The following DPP10 variants were observed in gnomAD, a reference collection of about 807,000 sequenced individuals.
DPP10 encodes the protein inactive dipeptidyl peptidase 10.
A neutral mutation model predicts 120.9 loss-of-function variants in DPP10; 33 were observed. The ratio of observed to expected loss-of-function variants is 0.27; its 90% CI spans 0.21 to 0.37. The LOEUF (loss-of-function observed/expected upper bound fraction) is 0.37. Ranked by LOEUF, DPP10 falls within the 10% of genes least tolerant of loss-of-function variation. DPP10 has a pLI of 1.00. For synonymous variants in DPP10, 337 were observed against 326.1 expected, an observed-to-expected ratio of 1.03 and a Z score of -0.36; for missense variants, 816 against 942.8, an observed-to-expected ratio of 0.87 and a Z score of 1.76.
intron 3 of DPP10, among the ~76,000 whole-genome samples, chr2:115,496,927 G>T (rs1048382631): frequency 1.3e-5 from 2 of 151,940 alleles, no homozygotes; most frequent in African/African-American, 4.8e-5. Context: ...TGATTGGTTG[G>T]GGGGGATGCA....
At chr2:115,427,474 AGGCTTATGGT>A (rs2070589138) in intron 3 of DPP10, among the ~76,000 whole-genome samples, 1 of 152,224 alleles carries the variant, frequency 6.6e-6, no homozygotes, top group African/African-American at 2.4e-5. Context: ...GAAACCACCA[AGGCTTATGGT>A]GGCTTATGCT....
At chr2:115,829,428 C>T (rs1031586511) in intron 21 of DPP10, among the ~76,000 whole-genome samples, 1 of 152,054 alleles carries the variant, frequency 6.6e-6, no homozygotes, top group Non-Finnish European at 1.5e-5. Context: ...TTCATTATAA[C>T]TCATTTTAAT....
intron 1 of DPP10, chr2:114,835,410 A>G (rs984808917): frequency 1.3e-5 from 2 of 152,120 alleles, no homozygotes; most frequent in African/African-American, 4.8e-5. Context: ...TTACACACCT[A>G]TGTATATATA....
intron 1 of DPP10, among the ~76,000 whole-genome samples, chr2:114,916,864 A>C (rs1326074705): frequency 6.6e-6 from 1 of 152,146 alleles, no homozygotes; most frequent in Non-Finnish European, 1.5e-5. Context: ...CTAAAACCAT[A>C]CTGAGTGGGC....
At chr2:115,542,974 C>A (rs149491538) in intron 5 of DPP10, among the ~76,000 whole-genome samples, 6,383 of 151,624 alleles carry the variant, frequency 0.042, 208 homozygotes, top group Non-Finnish European at 0.058. Context: ...CTTTATATTC[C>A]ATTTACGAAA....
chr2:114,461,860 A>T, intron 1 of DPP10: 1 of 985,422 alleles, frequency 1.0e-6, no homozygotes, highest in Non-Finnish European at 1.2e-6. Flanking sequence ...CTATAAGAAG[A>T]ATGGAAAATG....
intron 1 of DPP10, among the ~76,000 whole-genome samples, chr2:115,119,248 A>T (rs768379252): frequency 1.3e-5 from 2 of 152,136 alleles, no homozygotes; most frequent in Non-Finnish European, 2.9e-5. Context: ...GAAAGGTCAT[A>T]TACCAGTTAA....
chr2:114,977,701 G>A (rs1440050800), intron 1 of DPP10, among the ~76,000 whole-genome samples: 1 of 151,946 alleles, frequency 6.6e-6, no homozygotes, highest in Non-Finnish European at 1.5e-5. Context: ...AATCTCAAGA[G>A]CTATTTTCAT....
chr2:114,504,214 A>G (rs899875127), intron 1 of DPP10, among the ~76,000 whole-genome samples: 1 of 152,102 alleles, frequency 6.6e-6, no homozygotes, highest in African/African-American at 2.4e-5. Flanking sequence ...ATAGCCTTCT[A>G]TTTAGTCTTC....
chr2:115,386,262 G>C (rs2066922638), intron 3 of DPP10, among the ~76,000 whole-genome samples: 1 of 152,138 alleles, frequency 6.6e-6, no homozygotes, highest in Non-Finnish European at 1.5e-5. Context: ...AGAGTATAGG[G>C]GAGGGAAAAT....
chr2:114,557,019 T>G (rs1358627307), intron 1 of DPP10, among the ~76,000 whole-genome samples: 1 of 109,570 alleles, frequency 9.1e-6, no homozygotes, highest in Non-Finnish European at 2.0e-5. Context: ...TTTTTTTTTT[T>G]TAAGAATTTT....
At chr2:114,816,108 C>T (rs1468130263) in intron 1 of DPP10, among the ~76,000 whole-genome samples, 1 of 152,146 alleles carries the variant, frequency 6.6e-6, no homozygotes, top group East Asian at 1.9e-4. Flanking sequence ...CAGTCTTGAC[C>T]ATGCACACCA....
intron 1 of DPP10, among the ~76,000 whole-genome samples, chr2:114,773,967 A>G (rs907847831): frequency 2.0e-5 from 3 of 152,028 alleles, no homozygotes; most frequent in African/African-American, 7.2e-5. Flanking sequence ...TTTAAACTTT[A>G]TCAAATATAA....
chr2:114,479,475 A>G (rs1407477667), intron 1 of DPP10, among the ~76,000 whole-genome samples: 1 of 152,150 alleles, frequency 6.6e-6, no homozygotes, highest in Admixed American at 6.6e-5. Context: ...AATGTAGTTC[A>G]ATGTAGAAAA....
intron 12 of DPP10, among the ~76,000 whole-genome samples, chr2:115,764,291 T>C (rs924189419): frequency 1.3e-5 from 2 of 152,144 alleles, no homozygotes; most frequent in Non-Finnish European, 2.9e-5. Context: ...TTATAAATAA[T>C]TGTTTGTCTG....
intron 3 of DPP10, among the ~76,000 whole-genome samples, chr2:115,387,965 T>C (rs914680515): frequency 5.3e-5 from 8 of 152,216 alleles, no homozygotes; most frequent in African/African-American, 1.9e-4. Flanking sequence ...GGACAACTTC[T>C]CTGGTGACCA....
intron 5 of DPP10, among the ~76,000 whole-genome samples, chr2:115,660,781 A>C (rs1203420478): frequency 4.0e-5 from 6 of 151,340 alleles, no homozygotes; most frequent in Non-Finnish European, 7.4e-5. Context: ...TGGAAATAAC[A>C]AAGTGTAACT....
At position 115,103,345 on chromosome 2, in the gene DPP10, G is replaced by A. The variant is rs574211785; in HGVS notation, c.61-205894G>A. On this transcript the variant is annotated intron_variant, in intron 1 of 25. Transcript: ENST00000410059. ...TGGGACTACAGGCACCTGCCACCAC[G>A]CCCGGCTAATTTTTTTGTACTTTTA... Among the ~76,000 whole-genome samples, 9 of 152,144 alleles carry A rather than the reference G, an allele frequency of 5.9e-5. No homozygotes were observed. The South Asian group carries it at 1.7e-3, about 28-fold the overall frequency.
intron 1 of DPP10, chr2:114,835,226 A>C (rs1687621701): frequency 6.6e-6 from 1 of 151,350 alleles, no homozygotes; most frequent in Non-Finnish European, 1.5e-5. Context: ...GGACATATCT[A>C]CACACCTATG....
Sources: gnomAD v4.1 joint callset for allele counts (sites outside exome capture counted in the v4.1 genomes callset) on GRCh38, gnomAD v4.1.1 for gene constraint, MANE v1.5 for transcripts, NCBI Gene and HGNC (gene_info 2026-07-23, HGNC 2026-07-21) for gene names.